ANKRD44: variants seen among roughly 807,000 people sequenced by gnomAD.
The protein encoded by ANKRD44 is serine/threonine-protein phosphatase 6 regulatory ankyrin repeat subunit B.
Under a neutral mutation model 116.0 loss-of-function variants are expected in ANKRD44, and 35 were observed. The ratio of observed to expected loss-of-function variants is 0.30; its 90% CI spans 0.23 to 0.40. The LOEUF (loss-of-function observed/expected upper bound fraction) is 0.40. Among genes scored for constraint, ANKRD44 ranks in the 10% least tolerant of loss-of-function variants. The pLI is 1.00. For synonymous variants in ANKRD44, 435 were observed against 461.8 expected, an observed-to-expected ratio of 0.94 and a Z score of 0.74; for missense variants, 1,014 against 1,242.6, an observed-to-expected ratio of 0.82 and a Z score of 2.77.
chr2:197,248,347 G>A (rs551728339), intron 1 of ANKRD44, among the ~76,000 whole-genome samples: 68 of 152,216 alleles, frequency 4.5e-4, no homozygotes, highest in Admixed American at 7.9e-4. Flanking sequence ...TGCCTTGGGA[G>A]TGGAACAGCA....
chr2:197,126,502 C>T (rs1194312505), intron 4 of ANKRD44, among the ~76,000 whole-genome samples: 1 of 152,226 alleles, frequency 6.6e-6, no homozygotes, highest in African/African-American at 2.4e-5. Flanking sequence ...ATCTCTGTTA[C>T]CATCTCAACT....
chr2:197,143,099 A>T (rs1214140310), intron 3 of ANKRD44, among the ~76,000 whole-genome samples: 1 of 149,848 alleles, frequency 6.7e-6, no homozygotes, highest in Non-Finnish European at 1.5e-5. Context: ...TCTTCTTTCA[A>T]CCCAGAACCC....
chr2:197,054,145 A>G (rs143811775), intron 16 of ANKRD44, among the ~76,000 whole-genome samples: 4 of 152,356 alleles, frequency 2.6e-5, no homozygotes, highest in Admixed American at 6.5e-5. Flanking sequence ...TTTATGCTCA[A>G]TGTCTAAACT....
chr2:197,253,635 C>T (rs547216101), intron 1 of ANKRD44, among the ~76,000 whole-genome samples: 1 of 152,274 alleles, frequency 6.6e-6, no homozygotes, highest in South Asian at 2.1e-4. Flanking sequence ...ATGTAGACAT[C>T]TCCATATGTC....
intron 4 of ANKRD44, among the ~76,000 whole-genome samples, chr2:197,128,484 G>T (rs2079027646): frequency 2.0e-5 from 3 of 152,122 alleles, no homozygotes; most frequent in South Asian, 4.1e-4. Context: ...TTTTAAAGGG[G>T]TTTTTTATTT....
At position 196,987,673 on chromosome 2, in the gene ANKRD44, T is replaced by C; in HGVS notation, c.*1918A>G. 1.0e-6 allele frequency: 1 copy of C among 985,448 alleles called. No individual in the cohort carries two copies. Among genetic ancestry groups the C allele is most frequent in the East Asian group, 1.1e-4 (1 of 8,822 alleles). 61.0% of individuals were successfully genotyped at this position (985,448 alleles called of 1,614,324 possible). A position where few individuals can be genotyped will look rare whatever the true frequency, so the allele number is the denominator to read the frequency against. On this transcript the variant is annotated 3_prime_UTR_variant, in exon 28 of 28. Coordinates refer to ENST00000282272, the MANE Select transcript of ANKRD44 (RefSeq NM_001195144.2). ...CCCTGAGCTATTTACTGTAGAATCA[T>C]AGCAGATTTTAGGCAATTTGGAGAT...
At chr2:197,112,286 CA>C (rs1437974879) in intron 8 of ANKRD44, among the ~76,000 whole-genome samples, 1 of 152,060 alleles carries the variant, frequency 6.6e-6, no homozygotes, top group Non-Finnish European at 1.5e-5. Flanking sequence ...TGATGAAATC[CA>C]AATGCCTGTA....
chr2:197,091,634 C>A (rs2078045269), intron 10 of ANKRD44, among the ~76,000 whole-genome samples: 1 of 152,200 alleles, frequency 6.6e-6, no homozygotes, highest in South Asian at 2.1e-4. Flanking sequence ...GCTATGATTA[C>A]AAGCATGAGC....
intron 1 of ANKRD44, among the ~76,000 whole-genome samples, chr2:197,196,739 G>T (rs962015290): frequency 1.3e-5 from 2 of 152,090 alleles, no homozygotes; most frequent in African/African-American, 4.8e-5. Context: ...TTAGCACCTG[G>T]GTTCTTTCCA....
At chr2:197,172,161 C>T (rs902676410) in intron 2 of ANKRD44, among the ~76,000 whole-genome samples, 1 of 152,004 alleles carries the variant, frequency 6.6e-6, no homozygotes, top group African/African-American at 2.4e-5. Flanking sequence ...CCACCACACT[C>T]GACTAACTTT....
At chr2:197,117,837 C>T (rs1446266709) in intron 8 of ANKRD44, among the ~76,000 whole-genome samples, 2 of 152,196 alleles carry the variant, frequency 1.3e-5, no homozygotes, top group African/African-American at 4.8e-5. Context: ...ATCCACTAAT[C>T]AGCTCTTCTC....
chr2:197,099,550 G>T, intron 10 of ANKRD44: 2 of 1,160,902 alleles, frequency 1.7e-6, no homozygotes, highest in East Asian at 4.9e-5. Context: ...ATATTAGAAA[G>T]AAAAGTTACG....
At chr2:197,239,419 T>A (rs114969698) in intron 1 of ANKRD44, among the ~76,000 whole-genome samples, 1 of 152,088 alleles carries the variant, frequency 6.6e-6, no homozygotes, top group Admixed American at 6.5e-5. Flanking sequence ...TTTGTAGACA[T>A]GGGGTTTCAC....
intron 16 of ANKRD44, among the ~76,000 whole-genome samples, chr2:197,064,436 A>G (rs1278274151): frequency 6.6e-6 from 1 of 152,226 alleles, no homozygotes; most frequent in Non-Finnish European, 1.5e-5. Flanking sequence ...GACAGGATCA[A>G]ATTCACACAT....
chr2:197,081,765 T>G (rs1189699355), intron 14 of ANKRD44, 40 bp from the exon 15 acceptor site: 2 of 1,517,226 alleles, frequency 1.3e-6, no homozygotes, highest in East Asian at 2.2e-5. Flanking sequence ...TTGCAATTAA[T>G]TTTTTAAATG....
chr2:197,066,124 G>A (rs1275931632), intron 16 of ANKRD44, among the ~76,000 whole-genome samples: 1 of 152,184 alleles, frequency 6.6e-6, no homozygotes, highest in Non-Finnish European at 1.5e-5. Context: ...GGGATGCAAG[G>A]CTGGTTCAGT....
At chr2:197,110,270 G>A (rs563385458) in intron 9 of ANKRD44, among the ~76,000 whole-genome samples, 3 of 152,206 alleles carry the variant, frequency 2.0e-5, no homozygotes, top group East Asian at 3.9e-4. Context: ...GAGCCACCAC[G>A]CCCACCTAAG....
chr2:197,215,515 C>T (rs1267572166), intron 1 of ANKRD44, among the ~76,000 whole-genome samples: 2 of 152,096 alleles, frequency 1.3e-5, no homozygotes, highest in Non-Finnish European at 2.9e-5. Context: ...ATTTTCCCAT[C>T]CCTGAAACCA....
Position 197,212,052 on chromosome 2 carries a change from T to A in ANKRD44, c.28-24946A>T, listed in dbSNP as rs5010636. 0.36 allele frequency among the ~76,000 whole-genome samples: 53,044 copies of A among 147,708 alleles called. 10,517 individuals are homozygous for A. Among genetic ancestry groups the A allele is most frequent in the African/African-American group, 0.55 (22,203 of 40,210 alleles). On this transcript the variant is annotated intron_variant, in intron 1 of 27. Transcript: ENST00000282272. The surrounding 1 kb of genome is among the most constrained non-coding windows in gnomAD (Gnocchi z 4.8). ...CTCTCTCTCTCAGTCTCTCTCTCTC[T>A]CACACACACACACACACACACACCC...
Sources: gnomAD v4.1 joint callset for allele counts (sites outside exome capture counted in the v4.1 genomes callset) on GRCh38, gnomAD v4.1.1 for gene constraint, Gnocchi (gnomAD v3.1) non-coding constraint, MANE v1.5 for transcripts, NCBI Gene and HGNC (gene_info 2026-07-23, HGNC 2026-07-21) for gene names.